The following CYP4F12 variants were observed in gnomAD, a reference collection of about 807,000 sequenced individuals.
CYP4F12 encodes cytochrome P450 family 4 subfamily F member 12.
Under a neutral mutation model 56.5 loss-of-function variants are expected in CYP4F12, and 60 were observed. That is an observed-to-expected ratio of 1.06 (90% CI 0.86 to 1.32). CYP4F12 has a LOEUF of 1.32. Ranked by LOEUF, CYP4F12 falls within the 40% of genes most tolerant of loss-of-function variation. The pLI, the probability that CYP4F12 is intolerant of heterozygous loss-of-function variation, is 0.00. For synonymous variants in CYP4F12, 263 were observed against 264.9 expected (o/e 0.99, Z 0.07); for missense variants, 711 against 683.5 (o/e 1.04, Z -0.45).
At chr19:15,692,209 G>A (rs964068630) in intron 9 of CYP4F12, among the ~76,000 whole-genome samples, 8 of 152,168 alleles carry the variant, frequency 5.3e-5, no homozygotes, top group East Asian at 1.9e-4. Flanking sequence ...CACCCACCTC[G>A]GCCTCCCAAT....
At chr19:15,681,090 T>C in intron 5 of CYP4F12, 2 of 168,086 alleles carry the variant, frequency 1.2e-5, no homozygotes, top group Admixed American at 1.1e-4. Flanking sequence ...TGGCAGAGAC[T>C]GGGCTCCGAG....
chr19:15,691,024 A>G (rs1454404822), intron 9 of CYP4F12, among the ~76,000 whole-genome samples: 3 of 152,102 alleles, frequency 2.0e-5, no homozygotes, highest in Admixed American at 6.5e-5. Context: ...ATTTTTTCTG[A>G]GTGCTGAATA....
At chr19:15,683,418 G>A (rs2007417262) in intron 6 of CYP4F12, 75 bp from the exon 7 acceptor site, 1 of 1,484,202 alleles carries the variant, frequency 6.7e-7, no homozygotes, top group Non-Finnish European at 9.0e-7. Flanking sequence ...GGTAGCTCCT[G>A]GCTGCTGGTG....
chr19:15,682,024 G>T, intron 5 of CYP4F12: 1 of 203,908 alleles, frequency 4.9e-6, no homozygotes, highest in Non-Finnish European at 1.0e-5. Context: ...GCCAGGAAGT[G>T]AGCTAGGACT....
chr19:15,680,215 T>C (rs1371332660), intron 3 of CYP4F12, 29 bp from the exon 4 acceptor site: 1 of 1,576,910 alleles, frequency 6.3e-7, no homozygotes, highest in African/African-American at 1.3e-5. Context: ...GCCCTCTACA[T>C]GGCCCCTGAT....
rs376379053 is a variant in CYP4F12 at position 15,696,446 on chromosome 19, G to A, written c.1331G>A (p.Arg444His). Residue 444 changes from arginine to histidine, a missense_variant, in exon 12 of 13, where the codon CGC becomes CAC. Arg to His is a conservative substitution (Grantham distance 29, BLOSUM62 0). Transcript: ENST00000550308. ...WPDPEVYDPFRFDPENSKGRS... is the reference protein window; with the variant it reads ...WPDPEVYDPFHFDPENSKGRS... Reference sequence around the variant, plus strand: ...CACCTGCAGGTCTACGACCCCTTCCGCTTTGACCCAGAGAACAGCAAGGGG... The same window carrying A: ...CACCTGCAGGTCTACGACCCCTTCCACTTTGACCCAGAGAACAGCAAGGGG... 74 of 1,614,084 alleles carry A rather than the reference G, an allele frequency of 4.6e-5. No individual in the cohort carries two copies. Among genetic ancestry groups the A allele is most frequent in the East Asian group, 3.6e-4 (16 of 44,866 alleles).
chr19:15,680,649 C>A (rs1413723996), intron 5 of CYP4F12, 130 bp downstream of exon 5: 1 of 1,238,012 alleles, frequency 8.1e-7, no homozygotes, highest in Non-Finnish European at 1.2e-6. Context: ...CCTTGGTTTC[C>A]TCATCTGTAA....
Position 15,682,472 on chromosome 19 carries a change from A to G in CYP4F12, c.609A>G (p.Leu203=), listed in dbSNP as rs35352350. 2.3e-3 allele frequency: 3,785 copies of G among 1,611,218 alleles called. 2 individuals are homozygous for G. In the African/African-American group the frequency reaches 0.047, roughly 20 times the overall value. The change falls in exon 6 of 13, where the codon CTA becomes CTG. Residue 203 remains leucine (L), a synonymous_variant. Transcript: ENST00000550308. ...TCAGCCTCATGACCTTGGACAGTCT[A>G]CAGAAATGCATCTTCAGCTTTGACA... ...EHISLMTLDS[L]QKCIFSFDSH...
intron 5 of CYP4F12, 92 bp from the exon 6 acceptor site, chr19:15,682,297 G>C: frequency 6.5e-7 from 1 of 1,539,364 alleles, no homozygotes; most frequent in East Asian, 2.3e-5. Flanking sequence ...CCAGGAGGCT[G>C]GTTGTGGGGG....
At chr19:15,690,897 C>T (rs1015316616) in intron 9 of CYP4F12, among the ~76,000 whole-genome samples, 1 of 152,200 alleles carries the variant, frequency 6.6e-6, no homozygotes, top group Non-Finnish European at 1.5e-5. Context: ...CATCTATCTA[C>T]ATATCTTTCT....
intron 9 of CYP4F12, among the ~76,000 whole-genome samples, chr19:15,689,825 A>G (rs2007792729): frequency 6.6e-6 from 1 of 152,228 alleles, no homozygotes; most frequent in African/African-American, 2.4e-5. Flanking sequence ...GCTGGAGGCC[A>G]TTATTCTAAG....
At chr19:15,677,076 C>T (rs1248846594) in intron 2 of CYP4F12, among the ~76,000 whole-genome samples, 1 of 144,644 alleles carries the variant, frequency 6.9e-6, no homozygotes, top group Admixed American at 6.8e-5. Context: ...CCTGTCCTCA[C>T]TCACTCATTC....
intron 11 of CYP4F12, 32 bp downstream of exon 11, chr19:15,696,257 C>G: frequency 6.2e-7 from 1 of 1,613,612 alleles, no homozygotes; most frequent in African/African-American, 1.3e-5. Flanking sequence ...ACCACCACCC[C>G]CATCCTCTAC....
chr19:15,688,588 C>T (rs919837790), intron 9 of CYP4F12, among the ~76,000 whole-genome samples: 4 of 152,132 alleles, frequency 2.6e-5, no homozygotes, highest in Admixed American at 6.5e-5. Context: ...CATCATTTTT[C>T]ACACAACTGG....
intron 2 of CYP4F12, among the ~76,000 whole-genome samples, chr19:15,676,313 C>CTCACTCACT (rs2006916978): frequency 7.3e-6 from 1 of 137,728 alleles, no homozygotes; most frequent in Non-Finnish European, 1.6e-5. Context: ...ATTCCTGTGC[C>CTCACTCACT]CATTCACTCA....
At position 15,678,320 on chromosome 19, in the gene CYP4F12, G is replaced by A; in HGVS notation, c.258G>A (p.Gln86=). 6.2e-7 allele frequency: 1 copy of A among 1,614,068 alleles called. No homozygotes were observed. The highest frequency in any genetic ancestry group is 2.2e-5 in the East Asian group (1 of 44,898). ...CCCAGATGTCGGCCACCTATTCCCAGGGCTTTACGGTATGGCTGGGTCCCA... is the reference window on the plus strand; with the variant it reads ...CCCAGATGTCGGCCACCTATTCCCAAGGCTTTACGGTATGGCTGGGTCCCA... The part of the protein sequence containing the change: ...NSTQMSATYS[Q]GFTVWLGPII... Residue 86 remains glutamine, a synonymous_variant, in exon 3 of 13, where the codon CAG becomes CAA. Transcript: ENST00000550308.
At chr19:15,691,724 G>A (rs117684291) in intron 9 of CYP4F12, among the ~76,000 whole-genome samples, 1 of 150,992 alleles carries the variant, frequency 6.6e-6, no homozygotes, top group Non-Finnish European at 1.5e-5. Context: ...TGTTGCAAAA[G>A]ATTGCCTTTT....
rs372786480 is a variant in CYP4F12, at chr19:15,683,509, A to G, written c.664A>G (p.Ile222Val). ...GCTCTGCAGGAGGCCCAGTGAATAT[A>G]TTGCCACCATCTTGGAGCTCAGTGC... ...SHCQERPSEY[I>V]ATILELSALV... is the part of the protein sequence containing the mutation. The change falls in exon 7 of 13, where the codon ATT becomes GTT. Residue 222 changes from isoleucine to valine, a missense_variant. By Grantham distance (29) the Ile-to-Val change is conservative. Transcript: ENST00000550308. 6 of 1,605,066 alleles carry G rather than the reference A, an allele frequency of 3.7e-6. No homozygotes were observed. The highest frequency in any genetic ancestry group is 5.1e-6 in the Non-Finnish European group (6 of 1,176,006).
At chr19:15,676,048 C>A (rs1352746068) in intron 2 of CYP4F12, among the ~76,000 whole-genome samples, 3 of 152,114 alleles carry the variant, frequency 2.0e-5, no homozygotes, top group African/African-American at 7.2e-5. Context: ...AGGCCTGAGT[C>A]CCTGGAGTTC....
Sources: allele counts gnomAD v4.1 joint callset (sites outside exome capture counted in the v4.1 genomes callset), GRCh38; gene constraint gnomAD v4.1.1; transcripts MANE v1.5; gene names NCBI Gene and HGNC (gene_info 2026-07-23, HGNC 2026-07-21).